The following PCCA variants were observed in gnomAD, a reference collection of about 807,000 sequenced individuals.
The protein encoded by PCCA is propionyl-CoA carboxylase subunit alpha, also known as propionyl-CoA carboxylase alpha chain, mitochondrial.
A neutral mutation model predicts 101.3 loss-of-function variants in PCCA; 74 were observed. The ratio of observed to expected loss-of-function variants is 0.73; its 90% CI spans 0.61 to 0.89. The LOEUF (loss-of-function observed/expected upper bound fraction) is 0.89, where lower values mean the gene tolerates loss of function less well. Ranked by LOEUF, PCCA falls within the 40% of genes least tolerant of loss-of-function variation. PCCA has a pLI of 0.00. For missense variants in PCCA, 891 were observed against 907.0 expected (o/e 0.98, Z 0.23); for synonymous variants, 294 against 313.6 (o/e 0.94, Z 0.66).
At chr13:100,407,806 A>G (rs547195924) in intron 19 of PCCA, among the ~76,000 whole-genome samples, 1 of 152,310 alleles carries the variant, frequency 6.6e-6, no homozygotes, top group African/African-American at 2.4e-5. Context: ...ATCTATTTCC[A>G]GTAGTCTTAA....
intron 20 of PCCA, 82 bp downstream of exon 20, chr13:100,425,813 T>C (rs958876885): frequency 2.3e-6 from 2 of 878,264 alleles, no homozygotes; most frequent in African/African-American, 3.3e-5. Context: ...TACTTAGAGC[T>C]ATAGGAGGGA....
intron 12 of PCCA, among the ~76,000 whole-genome samples, chr13:100,286,475 C>T (rs983490316): frequency 1.3e-5 from 2 of 152,034 alleles, no homozygotes; most frequent in East Asian, 1.9e-4. Context: ...AGCAGGTGAT[C>T]GGAATGAGTT....
At chr13:100,491,697 G>A in intron 21 of PCCA, 2 of 1,303,570 alleles carry the variant, frequency 1.5e-6, no homozygotes, top group Non-Finnish European at 2.0e-6. Flanking sequence ...GGCAGAAGGT[G>A]CTGCGGCCTG....
At position 100,458,916 on chromosome 13, in the gene PCCA, G is replaced by A. The variant is rs565252996; in HGVS notation, c.1899+9611G>A. ...CTGATGCAACAGATTAGCACAAACC[G>A]GGTGGCTTAAAATAACAGAAATGTG... is the stretch of plus-strand genomic sequence containing the variant. On this transcript the variant is annotated intron_variant, in intron 21 of 23. Transcript: ENST00000376285. Among the ~76,000 whole-genome samples the A allele has an allele frequency of 1.1e-4, 17 of 152,206 alleles. No homozygotes were observed. The South Asian group carries it at 1.2e-3, about 11-fold the overall frequency.
intron 20 of PCCA, among the ~76,000 whole-genome samples, chr13:100,438,011 A>T (rs1173659591): frequency 6.6e-6 from 1 of 152,132 alleles, no homozygotes; most frequent in Non-Finnish European, 1.5e-5. Context: ...AAAAGATGAA[A>T]CAAGTGGAAT....
chr13:100,228,022 CT>C (rs757862583), intron 7 of PCCA, among the ~76,000 whole-genome samples: 9 of 149,178 alleles, frequency 6.0e-5, no homozygotes, highest in Admixed American at 2.7e-4. Context: ...TTGACTTTTT[CT>C]TTTTTTTTTC....
Position 100,263,689 on chromosome 13 carries a change from A to G in PCCA, c.819+858A>G, listed in dbSNP as rs369968888. ...TTGGATGTTTTACAACATTGAACAC[A>G]GTTTCTTTCTGAGGCTAGCAGGCTT... On this transcript the variant is annotated intron_variant, in intron 10 of 23. Coordinates refer to ENST00000376285, the MANE Select transcript of PCCA (RefSeq NM_000282.4). Among the ~76,000 whole-genome samples the G allele has an allele frequency of 9.8e-4, 150 of 152,290 alleles. 4 individuals carry two copies. In the South Asian group the frequency reaches 0.028, roughly 29 times the overall value.
At chr13:100,150,301 G>A (rs1028047321) in intron 4 of PCCA, among the ~76,000 whole-genome samples, 5 of 151,974 alleles carry the variant, frequency 3.3e-5, no homozygotes, top group Non-Finnish European at 1.5e-5. Context: ...CAAAGTGCTG[G>A]GATTGCAGGC....
At chr13:100,467,291 C>A (rs1394214851) in intron 21 of PCCA, among the ~76,000 whole-genome samples, 1 of 152,130 alleles carries the variant, frequency 6.6e-6, no homozygotes, top group Non-Finnish European at 1.5e-5. Context: ...GCTTAGACAC[C>A]AGCCACTTAA....
chr13:100,305,514 G>C (rs2066377344), intron 14 of PCCA, among the ~76,000 whole-genome samples: 2 of 152,194 alleles, frequency 1.3e-5, no homozygotes, highest in South Asian at 4.1e-4. Flanking sequence ...TTTAGAACTT[G>C]TATCAGTCTC....
At chr13:100,207,275 CTT>C (rs1006617102) in intron 6 of PCCA, among the ~76,000 whole-genome samples, 1 of 152,124 alleles carries the variant, frequency 6.6e-6, no homozygotes, top group African/African-American at 2.4e-5. Context: ...TAAAATTTCC[CTT>C]TTCTTTTGTT....
At chr13:100,182,695 C>T (rs573257718) in intron 6 of PCCA, among the ~76,000 whole-genome samples, 2 of 152,026 alleles carry the variant, frequency 1.3e-5, no homozygotes, top group Admixed American at 6.6e-5. Context: ...GTCTGGCTTG[C>T]GGCCCTGTTG....
At chr13:100,509,270 T>C (rs1388377283) in intron 21 of PCCA, among the ~76,000 whole-genome samples, 2 of 152,154 alleles carry the variant, frequency 1.3e-5, no homozygotes, top group Non-Finnish European at 2.9e-5. Context: ...CTGCGTAAAA[T>C]GTTGTAACAG....
At chr13:100,133,521 A>G (rs2050773955) in intron 4 of PCCA, among the ~76,000 whole-genome samples, 1 of 152,078 alleles carries the variant, frequency 6.6e-6, no homozygotes, top group Non-Finnish European at 1.5e-5. Context: ...TTTGCCCTTT[A>G]TTGTTAGATA....
intron 6 of PCCA, among the ~76,000 whole-genome samples, chr13:100,185,798 C>T (rs2057210768): frequency 6.6e-6 from 1 of 152,092 alleles, no homozygotes; most frequent in South Asian, 2.1e-4. Flanking sequence ...CAGGCATGTG[C>T]CACCCCGCCT....
At chr13:100,202,187 A>T (rs921585736) in intron 6 of PCCA, among the ~76,000 whole-genome samples, 17 of 151,006 alleles carry the variant, frequency 1.1e-4, no homozygotes, top group Non-Finnish European at 2.5e-4. Context: ...AAAAAAAAAA[A>T]ACTGGGCACA....
At chr13:100,115,983 G>A (rs992462915) in intron 4 of PCCA, among the ~76,000 whole-genome samples, 3 of 152,098 alleles carry the variant, frequency 2.0e-5, no homozygotes, top group Admixed American at 1.3e-4. Context: ...TAATGATGGT[G>A]GGAATGTCAA....
At chr13:100,435,902 G>A (rs1039562658) in intron 20 of PCCA, among the ~76,000 whole-genome samples, 17 of 152,134 alleles carry the variant, frequency 1.1e-4, no homozygotes, top group Admixed American at 7.2e-4. Context: ...AATTAGCCTA[G>A]TGTGGTGGTG....
At chr13:100,096,103 T>C (rs1281803554) in intron 1 of PCCA, among the ~76,000 whole-genome samples, 1 of 152,204 alleles carries the variant, frequency 6.6e-6, no homozygotes, top group East Asian at 1.9e-4. Flanking sequence ...CAGATACAGA[T>C]GTACCTCATA....
Sources: gnomAD v4.1 joint callset for allele counts (sites outside exome capture counted in the v4.1 genomes callset) on GRCh38, gnomAD v4.1.1 for gene constraint, MANE v1.5 for transcripts, NCBI Gene and HGNC (gene_info 2026-07-23, HGNC 2026-07-21) for gene names.